The following ZMYM2 variants were observed in gnomAD, a reference collection of about 807,000 sequenced individuals.
ZMYM2 encodes the protein zinc finger MYM-type protein 2.
A neutral mutation model predicts 162.8 loss-of-function variants in ZMYM2; 56 were observed. The ratio of observed to expected loss-of-function variants is 0.34; its 90% CI spans 0.28 to 0.43. ZMYM2 has a LOEUF of 0.43. ZMYM2 is among the 20% of genes least tolerant of loss of function. ZMYM2 has a pLI of 1.00. For synonymous variants in ZMYM2, 510 were observed against 541.6 expected (o/e 0.94, Z 0.81); for missense variants, 1,275 against 1,621.8 (o/e 0.79, Z 3.67).
At chr13:19,989,877 AT>A (rs1268319152) in intron 2 of ZMYM2, among the ~76,000 whole-genome samples, 3 of 152,016 alleles carry the variant, frequency 2.0e-5, no homozygotes, top group East Asian at 1.9e-4. Flanking sequence ...TACCTTGTAG[AT>A]TTTTTTTCAT....
intron 21 of ZMYM2, among the ~76,000 whole-genome samples, chr13:20,077,954 A>ACC (rs1274765972): frequency 3.3e-5 from 5 of 150,692 alleles, no homozygotes; most frequent in Admixed American, 6.7e-5. Context: ...AATAGCTGGG[A>ACC]CTACAGGCGC....
the ZMYM2 span, among the ~76,000 whole-genome samples, chr13:19,905,025 T>TTG: frequency 6.6e-6 from 1 of 150,944 alleles, no homozygotes; most frequent in African/African-American, 2.4e-5. Context: ...TTTTTTTTTT[T>TTG]TGGTGAGACT....
chr13:19,893,505 A>G, the ZMYM2 span, among the ~76,000 whole-genome samples: 1 of 151,994 alleles, frequency 6.6e-6, no homozygotes, highest in African/African-American at 2.4e-5. Context: ...TGGGAGGCCA[A>G]GGCGGGTGGA....
intron 6 of ZMYM2, among the ~76,000 whole-genome samples, chr13:20,011,172 CT>C (rs2140050387): frequency 6.6e-6 from 1 of 152,252 alleles, no homozygotes; most frequent in African/African-American, 2.4e-5. Context: ...AACAATAGAA[CT>C]TACTCCTCCT....
At chr13:19,878,332 C>T in the ZMYM2 span, among the ~76,000 whole-genome samples, 2 of 152,036 alleles carry the variant, frequency 1.3e-5, no homozygotes, top group South Asian at 4.2e-4. Context: ...GGATTACAGG[C>T]GCAAGCCACT....
chr13:19,894,382 G>A, the ZMYM2 span, among the ~76,000 whole-genome samples: 2 of 139,956 alleles, frequency 1.4e-5, no homozygotes, highest in Non-Finnish European at 3.1e-5. Flanking sequence ...TTTCACTCTT[G>A]TTGCCAAGGC....
chr13:19,883,370 T>C, the ZMYM2 span, among the ~76,000 whole-genome samples: 1 of 152,236 alleles, frequency 6.6e-6, no homozygotes, highest in Non-Finnish European at 1.5e-5. Flanking sequence ...CACTGAATTG[T>C]ACAACTTAGA....
chr13:19,918,700 T>C, the ZMYM2 span, among the ~76,000 whole-genome samples: 307 of 151,894 alleles, frequency 2.0e-3, 1 homozygote, highest in South Asian at 0.02. Flanking sequence ...GGTTTCATCA[T>C]ATAGGTCAGG....
intron 14 of ZMYM2, 87 bp downstream of exon 14, chr13:20,052,398 A>G: frequency 7.6e-7 from 1 of 1,311,528 alleles, no homozygotes; most frequent in Non-Finnish European, 1.0e-6. Context: ...TGATCATAAT[A>G]GTAATTTTTT....
intron 12 of ZMYM2, among the ~76,000 whole-genome samples, chr13:20,050,070 A>G (rs186439133): frequency 5.9e-4 from 89 of 152,114 alleles, no homozygotes; most frequent in African/African-American, 2.0e-3. Flanking sequence ...ATTAAGTGCT[A>G]TTGTTACTGA....
the ZMYM2 span, among the ~76,000 whole-genome samples, chr13:19,875,711 G>A: frequency 6.6e-6 from 1 of 150,922 alleles, no homozygotes; most frequent in African/African-American, 2.4e-5. Flanking sequence ...TATCCTAGGT[G>A]AATTAACACC....
intron 12 of ZMYM2, among the ~76,000 whole-genome samples, chr13:20,041,858 T>TAA (rs145739047): frequency 6.6e-6 from 1 of 150,956 alleles, no homozygotes; most frequent in Non-Finnish European, 1.5e-5. Flanking sequence ...GGTGTTAAAT[T>TAA]AAAAAAAAAG....
intron 19 of ZMYM2, among the ~76,000 whole-genome samples, chr13:20,065,285 C>A (rs1253775536): frequency 1.3e-5 from 2 of 151,876 alleles, no homozygotes; most frequent in Non-Finnish European, 2.9e-5. Flanking sequence ...TGCTTGACAC[C>A]AAACACAACA....
the ZMYM2 span, among the ~76,000 whole-genome samples, chr13:19,926,297 G>A: frequency 1.3e-5 from 2 of 150,396 alleles, no homozygotes; most frequent in Non-Finnish European, 1.5e-5. Flanking sequence ...TCTCCAATTC[G>A]CTTCAAACAA....
chr13:20,010,964 A>G (rs186662820), intron 6 of ZMYM2, among the ~76,000 whole-genome samples: 14 of 152,194 alleles, frequency 9.2e-5, no homozygotes, highest in Admixed American at 6.5e-4. Context: ...TTGATATGTA[A>G]TACTTGTATA....
At chr13:20,018,440 T>C (rs1466946693) in intron 6 of ZMYM2, among the ~76,000 whole-genome samples, 2 of 152,198 alleles carry the variant, frequency 1.3e-5, no homozygotes, top group African/African-American at 4.8e-5. Context: ...GTCTTCTTTC[T>C]CTGCAACCTG....
rs375516956 is a variant in ZMYM2 at position 20,081,944 on chromosome 13, A to T, written c.3454-72A>T. The T allele has an allele frequency of 1.9e-5, 16 of 858,362 alleles. No homozygotes were observed. In the African/African-American group the frequency reaches 2.9e-4, roughly 15 times the overall value. 53.2% of individuals were successfully genotyped at this position (858,362 alleles called of 1,614,324 possible). A position where few individuals can be genotyped will look rare whatever the true frequency, so the allele number is the denominator to read the frequency against. The stretch of plus-strand genomic sequence containing the variant: ...TTTATTTTTTTCTTAAGAAATACGG[A>T]GTGTAATATGTTTACTATAATTAGC... On this transcript the variant is annotated intron_variant, in intron 21 of 24. Transcript: ENST00000610343.
At chr13:19,950,176 A>T in the ZMYM2 span, among the ~76,000 whole-genome samples, 1 of 152,038 alleles carries the variant, frequency 6.6e-6, no homozygotes, top group Admixed American at 6.5e-5. Context: ...CCAGCTACTT[A>T]GGAGGCTGAA....
the ZMYM2 span, among the ~76,000 whole-genome samples, chr13:19,892,238 C>G: frequency 6.6e-6 from 1 of 151,694 alleles, no homozygotes; most frequent in Non-Finnish European, 1.5e-5. Flanking sequence ...CCACCACTCT[C>G]AGACTTCATT....
Sources: allele counts gnomAD v4.1 joint callset (sites outside exome capture counted in the v4.1 genomes callset), GRCh38; gene constraint gnomAD v4.1.1; transcripts MANE v1.5; gene names NCBI Gene and HGNC (gene_info 2026-07-23, HGNC 2026-07-21).